NRROS: variants seen among roughly 807,000 people sequenced by gnomAD.
The protein encoded by NRROS is negative regulator of reactive oxygen species, also known as transforming growth factor beta activator LRRC33.
Under a neutral mutation model 12.0 loss-of-function variants are expected in NRROS, and 6 were observed. That is an observed-to-expected ratio of 0.50 (90% CI 0.27 to 0.98). The LOEUF (loss-of-function observed/expected upper bound fraction) is 0.98, where lower values mean the gene tolerates loss of function less well. NRROS is among the 50% of genes least tolerant of loss of function. The pLI is 0.11. For synonymous variants in NRROS, 462 were observed against 410.2 expected (o/e 1.13, Z -1.53); for missense variants, 857 against 888.2 (o/e 0.96, Z 0.45).
intron 1 of NRROS, among the ~76,000 whole-genome samples, chr3:196,647,483 G>T (rs1577629674): frequency 6.8e-6 from 1 of 146,822 alleles, no homozygotes; most frequent in South Asian, 2.2e-4. Context: ...TCTTGTTAAT[G>T]CATCCACCAT....
chr3:196,659,707 G>T (rs1455455989), intron 2 of NRROS, 45 bp from the exon 3 acceptor site: 134 of 1,557,140 alleles, frequency 8.6e-5, no homozygotes, highest in Non-Finnish European at 1.1e-4. Context: ...ATAAATGCTT[G>T]CCTCTGGGCC....
chr3:196,654,469 A>C lies in NRROS; in HGVS notation c.-13-58A>C. 9.9e-7 allele frequency: 1 copy of C among 1,006,908 alleles called. No homozygotes were observed. The highest frequency in any genetic ancestry group is 2.4e-5 in the East Asian group (1 of 42,260). The allele number at this position is 1,006,908 out of a possible 1,614,324, so 62.4% of individuals were successfully genotyped here. ...AACTGGCTCCTTCTGCCGATAATAC[A>C]AACAGCCCTCTGGGATGTCCTTCTC... On this transcript the variant is annotated intron_variant, in intron 1 of 2. Transcript: ENST00000328557. This position sits in a 1 kb window ranked among gnomAD's most constrained non-coding sequence, Gnocchi z 4.4.
intron 1 of NRROS, among the ~76,000 whole-genome samples, chr3:196,646,336 C>G (rs73221625): frequency 0.061 from 9,333 of 152,340 alleles, 327 homozygotes; most frequent in Middle Eastern, 0.13. Context: ...GAAGGGAAAT[C>G]AGATGCTAAT....
chr3:196,654,466 T>G lies in NRROS; in HGVS notation c.-13-61T>G. On this transcript the variant is annotated intron_variant, in intron 1 of 2. Transcript: ENST00000328557. The surrounding 1 kb of genome is among the most constrained non-coding windows in gnomAD (Gnocchi z 4.4). ...TGGAACTGGCTCCTTCTGCCGATAA[T>G]ACAAACAGCCCTCTGGGATGTCCTT... The G allele has an allele frequency of 1.0e-6, 1 of 990,276 alleles. No homozygotes were observed. Among genetic ancestry groups the G allele is most frequent in the South Asian group, 1.3e-5 (1 of 78,416 alleles). The allele number at this position is 990,276 out of a possible 1,614,324, so 61.3% of individuals were successfully genotyped here. A position where few individuals can be genotyped will look rare whatever the true frequency, so the allele number is the denominator to read the frequency against.
chr3:196,651,915 T>C (rs1737436930), intron 1 of NRROS, among the ~76,000 whole-genome samples: 1 of 152,196 alleles, frequency 6.6e-6, no homozygotes, highest in Admixed American at 6.5e-5. Flanking sequence ...CTCTACTGTC[T>C]GACCTCCCAG....
chr3:196,654,403 T>C lies in NRROS; in HGVS notation c.-13-124T>C. ...ATCTGAGTATCCTGTGGGCTGCACC[T>C]CTATGGAGCTCCACAGAGCTCCAAG... On this transcript the variant is annotated intron_variant, in intron 1 of 2. Coordinates refer to ENST00000328557, the MANE Select transcript of NRROS (RefSeq NM_198565.3). This position sits in a 1 kb window ranked among gnomAD's most constrained non-coding sequence, Gnocchi z 4.4. 1 of 700,302 alleles carries C rather than the reference T, an allele frequency of 1.4e-6. No individual in the cohort carries two copies. Among genetic ancestry groups the C allele is most frequent in the South Asian group, 1.6e-5 (1 of 64,356 alleles). 43.4% of individuals were successfully genotyped at this position (700,302 alleles called of 1,614,324 possible). A position where few individuals can be genotyped will look rare whatever the true frequency, so the allele number is the denominator to read the frequency against.
intron 1 of NRROS, among the ~76,000 whole-genome samples, chr3:196,650,979 A>G (rs1391166741): frequency 6.6e-6 from 1 of 152,180 alleles, no homozygotes; most frequent in Non-Finnish European, 1.5e-5. Context: ...CATGCTGGGC[A>G]CACTCTGGCT....
chr3:196,658,691 C>T lies in NRROS; in HGVS notation c.109-1061C>T, dbSNP rs570392159. Among the ~76,000 whole-genome samples, 7 of 152,316 alleles carry T rather than the reference C, an allele frequency of 4.6e-5. No homozygotes were observed. The East Asian group carries it at 1.3e-3, about 29-fold the overall frequency. On this transcript the variant is annotated intron_variant, in intron 2 of 2. Transcript: ENST00000328557. ...CACTTAAAACTTCTTTCTGGCCGGG[C>T]ACGGTGGCTCACGCCTGTAATCCCA...
intron 2 of NRROS, 148 bp from the exon 3 acceptor site, chr3:196,659,604 C>G: frequency 2.4e-6 from 2 of 836,720 alleles, no homozygotes; most frequent in East Asian, 5.4e-5. Context: ...CCACCGTGCC[C>G]GGCCTTGTCT....
intron 1 of NRROS, among the ~76,000 whole-genome samples, chr3:196,643,495 G>A (rs1326602763): frequency 3.3e-5 from 5 of 152,186 alleles, no homozygotes; most frequent in South Asian, 2.1e-4. Flanking sequence ...CAGGTGCTGC[G>A]CCATGTGCAC....
intron 2 of NRROS, among the ~76,000 whole-genome samples, chr3:196,656,775 G>A (rs1472391408): frequency 6.6e-6 from 1 of 152,106 alleles, no homozygotes; most frequent in Non-Finnish European, 1.5e-5. Context: ...GGCCCAGTGG[G>A]CAGGAGTAGA....
At chr3:196,653,578 C>A (rs558355953) in intron 1 of NRROS, among the ~76,000 whole-genome samples, 55 of 152,236 alleles carry the variant, frequency 3.6e-4, no homozygotes, top group Non-Finnish European at 6.0e-4. Context: ...GGGGCATGCA[C>A]TGGGCGTCAG....
chr3:196,640,206 G>A (rs187135931), intron 1 of NRROS, among the ~76,000 whole-genome samples: 1 of 152,324 alleles, frequency 6.6e-6, no homozygotes, highest in East Asian at 1.9e-4. Context: ...GACAGTTAAG[G>A]TTTCTGAGCC....
At position 196,654,563 on chromosome 3, in the gene NRROS, C is replaced by T. The variant is rs61738471; in HGVS notation, c.24C>T (p.Leu8=). The T allele has an allele frequency of 5.0e-3, 8,021 of 1,613,944 alleles. 209 individuals carry two copies. In the South Asian group the frequency reaches 0.052, roughly 10 times the overall value. Residue 8 remains leucine, a synonymous_variant, in exon 2 of 3, where the codon CTC becomes CTT. Transcript: ENST00000328557. The surrounding 1 kb of genome is among the most constrained non-coding windows in gnomAD (Gnocchi z 4.4). The part of the protein sequence containing the change: MELLPLW[L]CLGFHFLTVG... ...AGATGGAGTTGCTGCCTCTTTGGCT[C>T]TGCCTGGGTTTTCACTTCCTGACCG... is the stretch of plus-strand genomic sequence containing the variant.
At chr3:196,644,022 C>T (rs1306582062) in intron 1 of NRROS, among the ~76,000 whole-genome samples, 1 of 152,226 alleles carries the variant, frequency 6.6e-6, no homozygotes, top group Non-Finnish European at 1.5e-5. Context: ...GCCAGCCTGA[C>T]ACCCTGAGAC....
chr3:196,660,388 G>A lies in NRROS; in HGVS notation c.745G>A (p.Ala249Thr). ...EWFLATGGEAAFELETLDLSH... is the reference protein window; with the variant it reads ...EWFLATGGEATFELETLDLSH... ...GTTCCTCGCGACCGGGGGAGAGGCT[G>A]CCTTCGAGCTGGAGACGCTGGACCT... The change falls in exon 3 of 3, where the codon GCC becomes ACC. Residue 249 changes from alanine (A) to threonine (T), a missense_variant. Physicochemically the swap from Ala to Thr is moderately conservative, Grantham distance 58 (BLOSUM62 0). Coordinates refer to ENST00000328557, the MANE Select transcript of NRROS (RefSeq NM_198565.3). The surrounding 1 kb of genome is among the most constrained non-coding windows in gnomAD (Gnocchi z 7.7). The A allele has an allele frequency of 6.2e-7, 1 of 1,613,952 alleles. No homozygotes were observed.
intron 2 of NRROS, among the ~76,000 whole-genome samples, chr3:196,655,312 A>G (rs1327253699): frequency 6.6e-6 from 1 of 151,644 alleles, no homozygotes; most frequent in African/African-American, 2.4e-5. Flanking sequence ...AGTCCGGCGG[A>G]TCACCTGAGG....
Position 196,660,563 on chromosome 3 carries a change from A to G in NRROS, c.920A>G (p.Asp307Gly). The G allele has an allele frequency of 6.2e-7, 1 of 1,614,000 alleles. No homozygotes were observed. The highest frequency in any genetic ancestry group is 1.1e-5 in the South Asian group (1 of 91,072). ...REMVAQFLLV[D>G]GNVTNITTVS... ...ATGGTGGCCCAGTTCCTCCTCGTGGACGGCAACGTGACCAACATCACCACC... is the reference window on the plus strand; with the variant it reads ...ATGGTGGCCCAGTTCCTCCTCGTGGGCGGCAACGTGACCAACATCACCACC... Residue 307 changes from aspartate to glycine, a missense_variant, in exon 3 of 3, where the codon GAC (aspartate) becomes GGC (glycine). Physicochemically the swap from Asp to Gly is moderately conservative, Grantham distance 94. Coordinates refer to ENST00000328557, the MANE Select transcript of NRROS (RefSeq NM_198565.3). The surrounding 1 kb of genome is among the most constrained non-coding windows in gnomAD (Gnocchi z 7.7).
intron 1 of NRROS, among the ~76,000 whole-genome samples, chr3:196,646,235 C>T (rs1347918619): frequency 6.6e-6 from 1 of 152,256 alleles, no homozygotes; most frequent in Non-Finnish European, 1.5e-5. Flanking sequence ...CCTTCCTCTA[C>T]ACAGGTCCCA....
Sources: allele counts gnomAD v4.1 joint callset (sites outside exome capture counted in the v4.1 genomes callset), GRCh38; gene constraint gnomAD v4.1.1; non-coding constraint Gnocchi (gnomAD v3.1); transcripts MANE v1.5; gene names NCBI Gene and HGNC (gene_info 2026-07-23, HGNC 2026-07-21).